The following KCNH2 variants were observed in gnomAD, a reference collection of about 807,000 sequenced individuals.
KCNH2 encodes potassium voltage-gated channel subfamily H member 2.
A neutral mutation model predicts 95.9 loss-of-function variants in KCNH2; 35 were observed. The observed-to-expected ratio is 0.37, with a 90% confidence interval of 0.28 to 0.48. The LOEUF is 0.48. Among genes scored for constraint, KCNH2 ranks in the 20% least tolerant of loss-of-function variants. KCNH2 has a pLI of 0.99. For synonymous variants in KCNH2, 786 were observed against 754.7 expected (o/e 1.04, Z -0.68); for missense variants, 1,274 against 1,702.9 (o/e 0.75, Z 4.43).
At chr7:150,972,178 C>T (rs896856950) in intron 2 of KCNH2, among the ~76,000 whole-genome samples, 2 of 152,250 alleles carry the variant, frequency 1.3e-5, no homozygotes, top group Admixed American at 6.5e-5. Context: ...CAGGCCCTGA[C>T]ACTGCGCAGA....
At chr7:150,949,882 A>G (rs1026713813) in intron 9 of KCNH2, 4 of 1,396,746 alleles carry the variant, frequency 2.9e-6, no homozygotes, top group Non-Finnish European at 3.8e-6. Context: ...CCCAGGCTAG[A>G]GGATCTAGAT....
chr7:150,975,489 A>C (rs1801960445), intron 1 of KCNH2, among the ~76,000 whole-genome samples: 2 of 152,160 alleles, frequency 1.3e-5, no homozygotes, highest in Admixed American at 1.3e-4. Flanking sequence ...AGTACCCCCT[A>C]GAACTTCTGC....
At chr7:150,960,734 T>C (rs578026164) in intron 2 of KCNH2, among the ~76,000 whole-genome samples, 2 of 152,276 alleles carry the variant, frequency 1.3e-5, no homozygotes, top group South Asian at 4.1e-4. Flanking sequence ...CCCTCGATCC[T>C]TGACTTTTTC....
chr7:150,950,147 T>TGGGGGGGGGGGGGGG, intron 9 of KCNH2, 21 bp downstream of exon 9: 35 of 843,046 alleles, frequency 4.2e-5, no homozygotes, highest in Non-Finnish European at 5.4e-5. Flanking sequence ...TCCAGTCCAG[T>TGGGGGGGGGGGGGGG]GCCCGCCCCC....
intron 2 of KCNH2, among the ~76,000 whole-genome samples, chr7:150,967,577 T>C (rs1584875921): frequency 6.6e-6 from 1 of 152,148 alleles, no homozygotes; most frequent in South Asian, 2.1e-4. Flanking sequence ...GTTGGGAAAG[T>C]TGGCACATTA....
chr7:150,977,157 A>G (rs1174780498), intron 1 of KCNH2, among the ~76,000 whole-genome samples: 2 of 152,108 alleles, frequency 1.3e-5, no homozygotes, highest in Non-Finnish European at 2.9e-5. Flanking sequence ...GACAGTCTCC[A>G]GGGCAAGAAA....
chr7:150,959,648 C>A lies in KCNH2; in HGVS notation c.396G>T (p.Val132=), dbSNP rs1410993219. ...VIMFILNFEV[V]MEKDMVGSPA... ...GGGACCCCACCATGTCCTTCTCCATCACCACCTCGAAATTGAGGATGAACA... is the reference window on the plus strand; with the variant it reads ...GGGACCCCACCATGTCCTTCTCCATAACCACCTCGAAATTGAGGATGAACA... The change falls in exon 3 of 15, where the codon GTG becomes GTT. Residue 132 remains valine, a synonymous_variant. Transcript: ENST00000262186. The A allele has an allele frequency of 1.2e-6, 2 of 1,614,228 alleles. No individual in the cohort carries two copies. Among genetic ancestry groups the A allele is most frequent in the Non-Finnish European group, 1.7e-6 (2 of 1,180,050 alleles).
chr7:150,947,917 G>A, intron 11 of KCNH2, 39 bp from the exon 12 acceptor site: 1 of 1,522,762 alleles, frequency 6.6e-7, no homozygotes, highest in Non-Finnish European at 8.8e-7. Context: ...GAGGGGAGGA[G>A]AACAGAGAGG....
intron 3 of KCNH2, 141 bp downstream of exon 3, chr7:150,959,431 C>A: frequency 2.2e-6 from 2 of 926,278 alleles, no homozygotes; most frequent in Admixed American, 2.3e-5. Context: ...GTACAGGGTT[C>A]ACTTCCCACC....
At chr7:150,960,086 C>A (rs1801512906) in intron 2 of KCNH2, among the ~76,000 whole-genome samples, 1 of 152,162 alleles carries the variant, frequency 6.6e-6, no homozygotes, top group African/African-American at 2.4e-5. Context: ...TTCCTCATAT[C>A]CTCCCAGCAC....
At chr7:150,969,655 C>T (rs1801789396) in intron 2 of KCNH2, among the ~76,000 whole-genome samples, 1 of 152,202 alleles carries the variant, frequency 6.6e-6, no homozygotes, top group Admixed American at 6.5e-5. Flanking sequence ...CAAACAGTGC[C>T]GAGCTCTCGC....
In KCNH2 at chr7:150,947,795, G is replaced by GC. The variant is rs794728455; in HGVS notation, c.2775dup (p.Pro926AlafsTer14). ...CCACTGGACGGGCTCTCCCCCCACG[G>GC]CCCCCCCGGCCGGCCCCGGCTACTC... is the stretch of plus-strand genomic sequence containing the variant. On this transcript the variant is annotated frameshift_variant, in exon 12 of 15. Transcript: ENST00000262186. LOFTEE classifies it high-confidence loss of function. 3 of 1,532,044 alleles carry GC rather than the reference G, an allele frequency of 2.0e-6. No individual in the cohort carries two copies. Among genetic ancestry groups the GC allele is most frequent in the African/African-American group, 1.4e-5 (1 of 72,772 alleles). The allele number at this position is 1,532,044 out of a possible 1,614,324, so 94.9% of individuals were successfully genotyped here. A position where few individuals can be genotyped will look rare whatever the true frequency, so the allele number is the denominator to read the frequency against.
Position 150,974,748 on chromosome 7 carries a change from C to A in KCNH2, c.270G>T (p.Glu90Asp). 6.2e-7 allele frequency: 1 copy of A among 1,605,978 alleles called. No individual in the cohort carries two copies. The highest frequency in any genetic ancestry group is 2.2e-5 in the East Asian group (1 of 44,574). The change falls in exon 2 of 15, where the codon GAG (glutamate) becomes GAT (aspartate). Residue 90 changes from glutamate (E) to aspartate (D), a missense_variant. Glu to Asp is a conservative substitution (Grantham distance 45). Transcript: ENST00000262186. ...AGAAGGCGATTTCCACTTTGCGCTC[C>A]TCGGCGCCCAGCAGTGCCTGCGCGA... ...AQIAQALLGA[E>D]ERKVEIAFYR...
intron 5 of KCNH2, chr7:150,955,250 G>A (rs1425128829): frequency 2.2e-5 from 18 of 818,044 alleles, no homozygotes; most frequent in South Asian, 4.6e-5. Flanking sequence ...AGCCAGGCGC[G>A]GGTGAGCAGG....
chr7:150,947,537 G>A (rs1450432391), intron 12 of KCNH2, 23 bp from the exon 13 acceptor site: 9 of 1,600,036 alleles, frequency 5.6e-6, no homozygotes, highest in Non-Finnish European at 7.7e-6. Flanking sequence ...AGCAGAGCTG[G>A]GTGAGCGGGG....
At chr7:150,975,226 G>C (rs1029642482) in intron 1 of KCNH2, among the ~76,000 whole-genome samples, 2 of 152,102 alleles carry the variant, frequency 1.3e-5, no homozygotes, top group East Asian at 3.9e-4. Context: ...CCTCCTCCAT[G>C]CCCGAGGCTG....
chr7:150,945,149 CA>C lies in KCNH2; in HGVS notation c.*215del. On this transcript the variant is annotated 3_prime_UTR_variant, in exon 15 of 15. Transcript: ENST00000262186. The surrounding 1 kb of genome is among the most constrained non-coding windows in gnomAD (Gnocchi z 5.6). ...AATGCCCTCAGGGCAGTGGGGGGAC[CA>C]CAGGCCCCACCTACTGCCGGCCCTG... is the stretch of plus-strand genomic sequence containing the variant. The C allele has an allele frequency of 1.7e-6, 1 of 605,056 alleles. No individual in the cohort carries two copies. Among genetic ancestry groups the C allele is most frequent in the Non-Finnish European group, 2.9e-6 (1 of 348,000 alleles). The allele number at this position is 605,056 out of a possible 1,614,324, so 37.5% of individuals were successfully genotyped here. A position where few individuals can be genotyped will look rare whatever the true frequency, so the allele number is the denominator to read the frequency against.
chr7:150,966,389 C>T (rs1801704921), intron 2 of KCNH2, among the ~76,000 whole-genome samples: 3 of 61,840 alleles, frequency 4.9e-5, no homozygotes, highest in African/African-American at 2.0e-4. Flanking sequence ...CCTCCCCCCC[C>T]CCCACACACA....
At chr7:150,965,139 A>C (rs912646137) in intron 2 of KCNH2, among the ~76,000 whole-genome samples, 9 of 152,076 alleles carry the variant, frequency 5.9e-5, no homozygotes, top group Non-Finnish European at 8.8e-5. Context: ...TGGGAAATGC[A>C]GCAGGTTGAG....
Sources: allele counts gnomAD v4.1 joint callset (sites outside exome capture counted in the v4.1 genomes callset), GRCh38; gene constraint gnomAD v4.1.1; non-coding constraint Gnocchi (gnomAD v3.1); transcripts MANE v1.5; gene names NCBI Gene and HGNC (gene_info 2026-07-23, HGNC 2026-07-21).